The following KPNA4 variants were observed in gnomAD, a reference collection of about 807,000 sequenced individuals.
The protein encoded by KPNA4 is importin subunit alpha-3.
In KPNA4, 13 loss-of-function variants were observed where a neutral mutation model predicts 71.3. The observed-to-expected ratio is 0.18, with a 90% confidence interval of 0.12 to 0.29. The LOEUF is 0.29. KPNA4 is among the 10% of genes least tolerant of loss of function. KPNA4 has a pLI of 1.00. For missense variants in KPNA4, 334 were observed against 603.2 expected (o/e 0.55, Z 4.67); for synonymous variants, 189 against 195.2 (o/e 0.97, Z 0.26).
intron 10 of KPNA4, among the ~76,000 whole-genome samples, chr3:160,524,159 G>A (rs750165027): frequency 1.3e-5 from 2 of 152,078 alleles, no homozygotes; most frequent in African/African-American, 4.8e-5. Flanking sequence ...ATGTAAACAG[G>A]CTTGAGAAAT....
chr3:160,528,023 G>A lies in KPNA4; in HGVS notation c.486C>T (p.Phe162=). 1 of 1,611,624 alleles carries A rather than the reference G, an allele frequency of 6.2e-7. No individual in the cohort carries two copies. The highest frequency in any genetic ancestry group is 1.7e-5 in the Admixed American group (1 of 59,986). ...GATGGGGTGAATGGAGAAGCCTCAG[G>A]AAAAGTGGCACAGCATCTGATGGAA... The part of the protein sequence containing the change: ...AVVQSNAVPL[F]LRLLHSPHQN... The change falls in exon 8 of 17, where the codon TTC becomes TTT. Residue 162 remains phenylalanine (F), a synonymous_variant. Transcript: ENST00000334256.
intron 10 of KPNA4, among the ~76,000 whole-genome samples, chr3:160,523,443 CA>C (rs112981957): frequency 1.1e-4 from 17 of 151,798 alleles, no homozygotes; most frequent in Non-Finnish European, 2.2e-4. Flanking sequence ...TAAAAAAAAC[CA>C]AAAAGACACC....
intron 10 of KPNA4, among the ~76,000 whole-genome samples, chr3:160,522,856 A>T (rs1040204228): frequency 4.0e-5 from 6 of 149,812 alleles, no homozygotes; most frequent in South Asian, 4.2e-4. Context: ...AACAAAAAAT[A>T]CGTACTTCAC....
At chr3:160,518,588 G>A (rs1278837470) in intron 11 of KPNA4, among the ~76,000 whole-genome samples, 3 of 151,320 alleles carry the variant, frequency 2.0e-5, no homozygotes, top group Non-Finnish European at 2.9e-5. Flanking sequence ...GGCCGGGCGC[G>A]GTGGCTCACG....
intron 16 of KPNA4, among the ~76,000 whole-genome samples, chr3:160,504,372 T>C (rs1720940395): frequency 6.6e-6 from 1 of 152,226 alleles, no homozygotes; most frequent in Admixed American, 6.5e-5. Context: ...TAAAATTTTC[T>C]AAGGAGCAAT....
At chr3:160,545,199 CAA>C (rs923964071) in intron 1 of KPNA4, among the ~76,000 whole-genome samples, 4 of 152,084 alleles carry the variant, frequency 2.6e-5, no homozygotes, top group Non-Finnish European at 4.4e-5. Flanking sequence ...GAACTTATGT[CAA>C]AGACATTAAA....
chr3:160,530,648 G>C (rs1015749175), intron 7 of KPNA4, among the ~76,000 whole-genome samples: 1 of 152,110 alleles, frequency 6.6e-6, no homozygotes, highest in Non-Finnish European at 1.5e-5. Context: ...ATTTAGAAAG[G>C]AATCAAGTGA....
intron 5 of KPNA4, among the ~76,000 whole-genome samples, chr3:160,532,322 A>G (rs1560050759): frequency 6.6e-6 from 1 of 152,352 alleles, no homozygotes; most frequent in East Asian, 1.9e-4. Context: ...AAGAGAGTCA[A>G]ATGACAAAAG....
chr3:160,546,518 A>G (rs950167188), intron 1 of KPNA4, among the ~76,000 whole-genome samples: 2 of 152,348 alleles, frequency 1.3e-5, no homozygotes, highest in Non-Finnish European at 2.9e-5. Context: ...ACTCCATCTC[A>G]GAAAAAAAGA....
intron 1 of KPNA4, among the ~76,000 whole-genome samples, chr3:160,564,832 CG>C (rs1722307098): frequency 6.6e-6 from 1 of 151,482 alleles, no homozygotes; most frequent in Admixed American, 6.6e-5. Context: ...GAGCGAGAGC[CG>C]GAATCTCCGC....
chr3:160,562,939 T>C (rs1351977841), intron 1 of KPNA4, among the ~76,000 whole-genome samples: 1 of 152,186 alleles, frequency 6.6e-6, no homozygotes, highest in African/African-American at 2.4e-5. Flanking sequence ...AACATCAATT[T>C]AAAAAATAAG....
At chr3:160,548,671 T>C (rs959022905) in intron 1 of KPNA4, among the ~76,000 whole-genome samples, 1 of 152,236 alleles carries the variant, frequency 6.6e-6, no homozygotes, top group African/African-American at 2.4e-5. Context: ...TGTATGTACA[T>C]ACACATTTTA....
In KPNA4 at chr3:160,528,056, T is replaced by C; in HGVS notation, c.470-17A>G. The C allele has an allele frequency of 6.3e-7, 1 of 1,589,834 alleles. No individual in the cohort carries two copies. The highest frequency in any genetic ancestry group is 1.7e-5 in the Admixed American group (1 of 59,816). ...GCACAGCATCTGATGGAAGAAAAAA[T>C]AACAATACTTAAGGTTGAAGATACC... On this transcript the variant is annotated splice_polypyrimidine_tract_variant and intron_variant, in intron 7 of 16. Coordinates refer to ENST00000334256, the MANE Select transcript of KPNA4 (RefSeq NM_002268.5).
chr3:160,520,965 T>G (rs924782232), intron 11 of KPNA4, among the ~76,000 whole-genome samples: 12 of 152,220 alleles, frequency 7.9e-5, no homozygotes, highest in Admixed American at 7.9e-4. Flanking sequence ...CACACTCTGT[T>G]TTTGGCTCTT....
At chr3:160,512,520 C>T (rs900735982) in intron 13 of KPNA4, among the ~76,000 whole-genome samples, 5 of 152,098 alleles carry the variant, frequency 3.3e-5, no homozygotes, top group Admixed American at 6.5e-5. Context: ...ATTTATCTTG[C>T]CTATCCTAAA....
chr3:160,565,264 G>T lies in KPNA4; in HGVS notation c.19C>A (p.Leu7Met). 1 of 1,607,958 alleles carries T rather than the reference G, an allele frequency of 6.2e-7. No homozygotes were observed. The highest frequency in any genetic ancestry group is 8.5e-7 in the Non-Finnish European group (1 of 1,177,258). Residue 7 changes from leucine to methionine, a missense_variant, in exon 1 of 17, where the codon CTG (leucine) becomes ATG (methionine). By Grantham distance (15) the Leu-to-Met change is conservative. Transcript: ENST00000334256. ...AAATTCTTGAGCCGTTGGTTGTCCA[G>T]TTTCTCGTTGTCCGCCATGGCCGGG... The part of the protein sequence containing the change: MADNEK[L>M]DNQRLKNFKN...
At chr3:160,542,011 T>G (rs1721809598) in intron 1 of KPNA4, among the ~76,000 whole-genome samples, 1 of 152,126 alleles carries the variant, frequency 6.6e-6, no homozygotes, top group South Asian at 2.1e-4. Flanking sequence ...AAAGATAACA[T>G]GTAAGCTTAA....
At chr3:160,557,550 C>T (rs1722163813) in intron 1 of KPNA4, among the ~76,000 whole-genome samples, 1 of 151,970 alleles carries the variant, frequency 6.6e-6, no homozygotes, top group Non-Finnish European at 1.5e-5. Flanking sequence ...TGTCAAAATA[C>T]ATCATTAGTT....
intron 11 of KPNA4, among the ~76,000 whole-genome samples, chr3:160,516,357 T>A (rs942735785): frequency 6.6e-6 from 1 of 151,144 alleles, no homozygotes; most frequent in Non-Finnish European, 1.5e-5. Flanking sequence ...GATGTGAAGA[T>A]AGACACATGT....
Sources: gnomAD v4.1 joint callset for allele counts (sites outside exome capture counted in the v4.1 genomes callset) on GRCh38, gnomAD v4.1.1 for gene constraint, MANE v1.5 for transcripts, NCBI Gene and HGNC (gene_info 2026-07-23, HGNC 2026-07-21) for gene names.